Variants in TNKS observed in about 807,000 individuals in gnomAD.
TNKS encodes tankyrase, also known as poly [ADP-ribose] polymerase tankyrase-1.
Under a neutral mutation model 135.8 loss-of-function variants are expected in TNKS, and 72 were observed. The observed-to-expected ratio is 0.53, with a 90% CI of 0.44 to 0.64. TNKS has a LOEUF of 0.64. TNKS is among the 30% of genes least tolerant of loss of function. The probability of loss-of-function intolerance (pLI) is 0.00; values close to 1 mark genes in which losing one functional copy is unlikely to be tolerated. For synonymous variants in TNKS, 849 were observed against 649.3 expected (o/e 1.31, Z -4.68); for missense variants, 1,769 against 1,674.0 (o/e 1.06, Z -0.99).
intron 3 of TNKS, 141 bp from the exon 4 acceptor site, chr8:9,679,810 A>G: frequency 1.7e-6 from 1 of 603,088 alleles, no homozygotes; most frequent in Non-Finnish European, 2.9e-6. Flanking sequence ...CAAGCTGGCT[A>G]ACGTCACGGC....
Position 9,778,971 on chromosome 8 carries a change from T to G in TNKS, c.*2235T>G, listed in dbSNP as rs1808354499. On this transcript the variant is annotated 3_prime_UTR_variant, in exon 27 of 27. Transcript: ENST00000310430. Reference sequence around the variant, plus strand: ...CAGTTTTCATCTTGGTCCTTACACTTGAGAAGTTAAACTGTGGTTCAGTAT... The same window carrying G: ...CAGTTTTCATCTTGGTCCTTACACTGGAGAAGTTAAACTGTGGTTCAGTAT... 1 of 152,234 alleles carries G rather than the reference T, an allele frequency of 6.6e-6. No homozygotes were observed. Among genetic ancestry groups the G allele is most frequent in the South Asian group, 2.1e-4 (1 of 4,826 alleles). 9.4% of individuals were successfully genotyped at this position (152,234 alleles called of 1,614,324 possible).
At chr8:9,590,213 C>G (rs1294943950) in intron 2 of TNKS, among the ~76,000 whole-genome samples, 2 of 152,080 alleles carry the variant, frequency 1.3e-5, no homozygotes, top group South Asian at 2.1e-4. Context: ...ACATCATGGA[C>G]TTCATCCTCA....
At chr8:9,574,050 C>T (rs939291348) in intron 1 of TNKS, among the ~76,000 whole-genome samples, 1 of 152,090 alleles carries the variant, frequency 6.6e-6, no homozygotes, top group Non-Finnish European at 1.5e-5. Context: ...CAACTCTTTG[C>T]TATTAGAATA....
At chr8:9,570,975 A>G (rs1027479200) in intron 1 of TNKS, among the ~76,000 whole-genome samples, 15 of 152,204 alleles carry the variant, frequency 9.9e-5, no homozygotes, top group African/African-American at 3.6e-4. Context: ...CTCTTAAATA[A>G]AAAAATAAAT....
intron 2 of TNKS, among the ~76,000 whole-genome samples, chr8:9,586,759 G>GTGTA (rs1798396569): frequency 1.3e-5 from 2 of 148,388 alleles, no homozygotes; most frequent in Admixed American, 1.3e-4. Flanking sequence ...GTGTGTGTGT[G>GTGTA]TGTATGAAGT....
In TNKS at chr8:9,697,375, C is replaced by T. The variant is rs561098389; in HGVS notation, c.1108-7288C>T. 2.6e-5 allele frequency among the ~76,000 whole-genome samples: 4 copies of T among 152,216 alleles called. No homozygotes were observed. In the East Asian group the frequency reaches 7.7e-4, roughly 29 times the overall value. ...AGAGAAAAACCTAGGAAATACCATC[C>T]TCAGCATCAGCCTTAGCAGAGAATT... On this transcript the variant is annotated intron_variant, in intron 5 of 26. Coordinates refer to ENST00000310430, the MANE Select transcript of TNKS (RefSeq NM_003747.3).
At chr8:9,638,154 T>C (rs1430093081) in intron 3 of TNKS, among the ~76,000 whole-genome samples, 2 of 152,134 alleles carry the variant, frequency 1.3e-5, no homozygotes, top group African/African-American at 4.8e-5. Context: ...TTTTTATTCT[T>C]TGTAGAGCTA....
intron 4 of TNKS, 132 bp downstream of exon 4, chr8:9,680,119 C>T: frequency 1.6e-6 from 1 of 613,792 alleles, no homozygotes; most frequent in Non-Finnish European, 2.9e-6. Context: ...GATACTAAAT[C>T]TTTATGTACT....
At chr8:9,769,970 C>G in intron 25 of TNKS, 136 bp from the exon 26 acceptor site, 1 of 714,090 alleles carries the variant, frequency 1.4e-6, no homozygotes, top group Non-Finnish European at 2.2e-6. Context: ...CATCCCATTC[C>G]TACTCATAAA....
At chr8:9,653,951 A>G (rs1350758121) in intron 3 of TNKS, among the ~76,000 whole-genome samples, 1 of 151,966 alleles carries the variant, frequency 6.6e-6, no homozygotes. Context: ...CTGCATCTGC[A>G]TGGTTTTTGT....
rs78621669 is a variant in TNKS, at chr8:9,559,929, A to G, written c.673+3317A>G. 5.1e-3 allele frequency among the ~76,000 whole-genome samples: 784 copies of G among 152,274 alleles called. 4 individuals carry two copies. Among genetic ancestry groups the G allele is most frequent in the Non-Finnish European group, 8.5e-3 (580 of 67,986 alleles). ...GCAGTTAAGACAAAATCTTGTTTCC[A>G]TTGTTGATACAGGTTCTCAAAATAC... On this transcript the variant is annotated intron_variant, in intron 1 of 26. Coordinates refer to ENST00000310430, the MANE Select transcript of TNKS (RefSeq NM_003747.3).
At chr8:9,675,974 C>G (rs1196985533) in intron 3 of TNKS, among the ~76,000 whole-genome samples, 1 of 151,260 alleles carries the variant, frequency 6.6e-6, no homozygotes, top group Non-Finnish European at 1.5e-5. Flanking sequence ...GGTTTGGATA[C>G]CATGCATAAT....
At position 9,682,840 on chromosome 8, in the gene TNKS, C is replaced by A. The variant is rs145839670; in HGVS notation, c.1107+2040C>A. ...TATTATATTAATTTATTTTGGGGTACTGTTAACATGAGGGAGAACCGTATA... is the reference window on the plus strand; with the variant it reads ...TATTATATTAATTTATTTTGGGGTAATGTTAACATGAGGGAGAACCGTATA... On this transcript the variant is annotated intron_variant, in intron 5 of 26. Coordinates refer to ENST00000310430, the MANE Select transcript of TNKS (RefSeq NM_003747.3). 2.3e-3 allele frequency among the ~76,000 whole-genome samples: 342 copies of A among 151,564 alleles called. 7 individuals carry two copies. In the East Asian group the frequency reaches 0.056, roughly 25 times the overall value.
intron 3 of TNKS, among the ~76,000 whole-genome samples, chr8:9,676,654 C>T (rs748837924): frequency 3.3e-5 from 5 of 150,988 alleles, no homozygotes; most frequent in Non-Finnish European, 5.9e-5. Flanking sequence ...CTCTTTAACA[C>T]ATAAGCCTCG....
intron 3 of TNKS, among the ~76,000 whole-genome samples, chr8:9,653,057 A>G (rs757458706): frequency 1.3e-5 from 2 of 152,180 alleles, no homozygotes; most frequent in Admixed American, 6.5e-5. Context: ...TGCAGTTTCC[A>G]TGGACATGTT....
At chr8:9,672,247 A>G (rs1389940433) in intron 3 of TNKS, among the ~76,000 whole-genome samples, 1 of 152,184 alleles carries the variant, frequency 6.6e-6, no homozygotes, top group Non-Finnish European at 1.5e-5. Context: ...AAACATATAT[A>G]GGGTAGGTAC....
At chr8:9,557,241 G>T (rs1815358811) in intron 1 of TNKS, 1 of 152,318 alleles carries the variant, frequency 6.6e-6, no homozygotes, top group Non-Finnish European at 1.5e-5. Flanking sequence ...ACTATTATTT[G>T]TTGTCTAGCA....
intron 5 of TNKS, among the ~76,000 whole-genome samples, chr8:9,687,907 C>T (rs899029399): frequency 6.6e-6 from 1 of 152,194 alleles, no homozygotes; most frequent in African/African-American, 2.4e-5. Flanking sequence ...TTAAAGTGTT[C>T]TTTCTGCCTT....
At chr8:9,706,711 C>A (rs1804064818) in intron 7 of TNKS, 100 bp from the exon 8 acceptor site, 1 of 1,124,378 alleles carries the variant, frequency 8.9e-7, no homozygotes, top group Non-Finnish European at 1.2e-6. Context: ...CTTATTTGAA[C>A]AAGTTATAAC....
Sources: gnomAD v4.1 joint callset for allele counts (sites outside exome capture counted in the v4.1 genomes callset) on GRCh38, gnomAD v4.1.1 for gene constraint, MANE v1.5 for transcripts, NCBI Gene and HGNC (gene_info 2026-07-23, HGNC 2026-07-21) for gene names.